The following PDHX variants were observed in gnomAD, a reference collection of about 807,000 sequenced individuals.
The protein encoded by PDHX is pyruvate dehydrogenase complex component X.
PDHX carries 33 observed loss-of-function variants against 55.3 expected under a neutral mutation model. The ratio of observed to expected loss-of-function variants is 0.60; its 90% CI spans 0.45 to 0.80. The LOEUF is 0.80. Among genes scored for constraint, PDHX ranks in the 30% least tolerant of loss-of-function variants. The pLI is 0.00. For synonymous variants in PDHX, 226 were observed against 219.4 expected, an observed-to-expected ratio of 1.03 and a Z score of -0.27; for missense variants, 622 against 619.9, an observed-to-expected ratio of 1.00 and a Z score of -0.04.
chr11:34,966,871 A>G, intron 6 of PDHX, 57 bp downstream of exon 6: 20 of 1,426,680 alleles, frequency 1.4e-5, no homozygotes, highest in Non-Finnish European at 2.0e-5. Context: ...TTTTTTTTTG[A>G]GACAGAGTCT....
At chr11:34,919,595 A>G (rs1853825655) in intron 1 of PDHX, among the ~76,000 whole-genome samples, 1 of 152,226 alleles carries the variant, frequency 6.6e-6, no homozygotes, top group African/African-American at 2.4e-5. Flanking sequence ...CAAAAACACC[A>G]AGGCTTAGAG....
chr11:34,939,795 A>G (rs945020721), intron 2 of PDHX, among the ~76,000 whole-genome samples: 2 of 152,196 alleles, frequency 1.3e-5, no homozygotes, highest in Non-Finnish European at 2.9e-5. Flanking sequence ...TATAATGACT[A>G]TTAGAGTACT....
chr11:34,986,240 G>C (rs760394065), intron 9 of PDHX, among the ~76,000 whole-genome samples: 17 of 151,524 alleles, frequency 1.1e-4, no homozygotes, highest in Admixed American at 2.0e-4. Flanking sequence ...GGGAGGCAGA[G>C]GTTGCAGTGA....
intron 10 of PDHX, among the ~76,000 whole-genome samples, chr11:34,993,244 T>G (rs1247579307): frequency 6.6e-6 from 1 of 152,084 alleles, no homozygotes; most frequent in Non-Finnish European, 1.5e-5. Context: ...TCACACTCTG[T>G]GACTTGCCTT....
intron 8 of PDHX, among the ~76,000 whole-genome samples, chr11:34,979,924 A>C (rs1041274279): frequency 1.4e-4 from 21 of 151,418 alleles, no homozygotes; most frequent in African/African-American, 5.1e-4. Context: ...CAATATTATA[A>C]ATTTTTTTAT....
chr11:34,935,150 A>G (rs1007621288), intron 2 of PDHX, among the ~76,000 whole-genome samples: 6 of 151,888 alleles, frequency 4.0e-5, no homozygotes, highest in African/African-American at 1.2e-4. Flanking sequence ...CTTTTGTATA[A>G]TTCAAAATTT....
intron 7 of PDHX, among the ~76,000 whole-genome samples, chr11:34,973,449 C>A (rs1431565402): frequency 6.6e-6 from 1 of 152,118 alleles, no homozygotes; most frequent in Non-Finnish European, 1.5e-5. Context: ...TTTGTTCTTT[C>A]TTTGCATTCT....
At chr11:34,917,415 A>G (rs2956108) in intron 1 of PDHX, among the ~76,000 whole-genome samples, 90,527 of 152,098 alleles carry the variant, frequency 0.6, 28,144 homozygotes, top group East Asian at 0.74. Context: ...ATCATACCAA[A>G]AATTTATTAT....
intron 4 of PDHX, among the ~76,000 whole-genome samples, chr11:34,958,703 A>G (rs1854957429): frequency 6.6e-6 from 1 of 152,170 alleles, no homozygotes; most frequent in South Asian, 2.1e-4. Flanking sequence ...TAAAAATTGG[A>G]AGACAGTCTC....
Position 34,963,939 on chromosome 11 carries a change from C to T in PDHX, c.642-2701C>T, listed in dbSNP as rs3794157. On this transcript the variant is annotated intron_variant, in intron 5 of 10. Coordinates refer to ENST00000227868, the MANE Select transcript of PDHX (RefSeq NM_003477.3). ...AGTAATGTTTGTATTCATCACACAGCATCAAAAATTAGGTAAGTATGACAG... is the reference window on the plus strand; with the variant it reads ...AGTAATGTTTGTATTCATCACACAGTATCAAAAATTAGGTAAGTATGACAG... 3.9e-3 allele frequency among the ~76,000 whole-genome samples: 594 copies of T among 152,286 alleles called. 18 individuals are homozygous for T. The highest frequency in any genetic ancestry group is 0.029 in the Admixed American group (446 of 15,298).
intron 9 of PDHX, among the ~76,000 whole-genome samples, chr11:34,991,230 G>A (rs111924459): frequency 0.011 from 1,627 of 152,206 alleles, 9 homozygotes; most frequent in Non-Finnish European, 0.017. Context: ...GTGTAAATTG[G>A]ACTAGCTCAT....
At chr11:34,980,453 T>C (rs1377860824) in intron 8 of PDHX, among the ~76,000 whole-genome samples, 1 of 145,120 alleles carries the variant, frequency 6.9e-6, no homozygotes, top group Non-Finnish European at 1.5e-5. Flanking sequence ...CCTAAGATAA[T>C]AGATTTTTAA....
At chr11:34,989,588 C>T (rs1855718812) in intron 9 of PDHX, among the ~76,000 whole-genome samples, 1 of 152,138 alleles carries the variant, frequency 6.6e-6, no homozygotes, top group Non-Finnish European at 1.5e-5. Context: ...ACAGGTTGAG[C>T]TCTGGATTCT....
chr11:34,975,591 C>A (rs147850475), intron 7 of PDHX, among the ~76,000 whole-genome samples: 1 of 152,170 alleles, frequency 6.6e-6, no homozygotes, highest in East Asian at 1.9e-4. Context: ...TTTTTAGTTT[C>A]CATTTCTCTG....
intron 7 of PDHX, 93 bp downstream of exon 7, chr11:34,970,379 T>G: frequency 9.5e-7 from 1 of 1,050,292 alleles, no homozygotes; most frequent in South Asian, 1.4e-5. Context: ...AGCTACATTG[T>G]GTAGCTTTTA....
chr11:34,987,854 T>A (rs1032741069), intron 9 of PDHX, among the ~76,000 whole-genome samples: 1 of 152,174 alleles, frequency 6.6e-6, no homozygotes, highest in Admixed American at 6.6e-5. Context: ...AGCATCTGCC[T>A]GAGTGTCCAC....
At chr11:34,992,760 G>C (rs1855782757) in intron 10 of PDHX, among the ~76,000 whole-genome samples, 1 of 152,038 alleles carries the variant, frequency 6.6e-6, no homozygotes, top group South Asian at 2.1e-4. Context: ...TCATTTTACT[G>C]TTGGTGGGCA....
intron 3 of PDHX, among the ~76,000 whole-genome samples, chr11:34,956,289 C>T (rs1042154381): frequency 5.9e-5 from 9 of 152,058 alleles, no homozygotes; most frequent in African/African-American, 1.9e-4. Context: ...GCTTCCTAAC[C>T]CCTTATAACT....
chr11:34,950,188 T>A (rs969446658), intron 3 of PDHX, among the ~76,000 whole-genome samples: 1 of 152,038 alleles, frequency 6.6e-6, no homozygotes, highest in African/African-American at 2.4e-5. Context: ...TGCCTTTTAA[T>A]GGTTTGAAAG....
Sources: gnomAD v4.1 joint callset for allele counts (sites outside exome capture counted in the v4.1 genomes callset) on GRCh38, gnomAD v4.1.1 for gene constraint, MANE v1.5 for transcripts, NCBI Gene and HGNC (gene_info 2026-07-23, HGNC 2026-07-21) for gene names.